CTNNA3: variants seen among roughly 807,000 people sequenced by gnomAD.
CTNNA3 encodes the protein catenin alpha 3.
A neutral mutation model predicts 95.7 loss-of-function variants in CTNNA3; 76 were observed. The ratio of observed to expected loss-of-function variants is 0.79; its 90% CI spans 0.66 to 0.96. The LOEUF is 0.96. Ranked by LOEUF, CTNNA3 falls within the 40% of genes least tolerant of loss-of-function variation. The pLI, the probability that CTNNA3 is intolerant of heterozygous loss-of-function variation, is 0.00. For missense variants in CTNNA3, 1,191 were observed against 1,089.8 expected (o/e 1.09, Z -1.31); for synonymous variants, 431 against 374.4 (o/e 1.15, Z -1.74).
intron 7 of CTNNA3, among the ~76,000 whole-genome samples, chr10:66,833,677 G>A (rs1842800147): frequency 6.6e-6 from 1 of 152,162 alleles, no homozygotes; most frequent in Non-Finnish European, 1.5e-5. Context: ...TCTGGATAGT[G>A]TAGGTAGCTG....
At chr10:67,567,407 G>A (rs1841844893) in intron 3 of CTNNA3, among the ~76,000 whole-genome samples, 1 of 151,994 alleles carries the variant, frequency 6.6e-6, no homozygotes, top group Non-Finnish European at 1.5e-5. Context: ...AATGTAGAAA[G>A]TGGAATGATT....
At chr10:67,566,340 C>A (rs560288203) in intron 3 of CTNNA3, among the ~76,000 whole-genome samples, 267 of 150,366 alleles carry the variant, frequency 1.8e-3, no homozygotes, top group Middle Eastern at 3.4e-3. Flanking sequence ...AAACAAACAA[C>A]CCCATCAAAA....
At chr10:66,559,458 T>C (rs1385710360) in intron 10 of CTNNA3, among the ~76,000 whole-genome samples, 1 of 150,796 alleles carries the variant, frequency 6.6e-6, no homozygotes, top group East Asian at 2.0e-4. Context: ...TTGTATCAAC[T>C]CTGGGTTGGG....
chr10:67,382,890 G>A (rs1324572702), intron 5 of CTNNA3, among the ~76,000 whole-genome samples: 1 of 152,064 alleles, frequency 6.6e-6, no homozygotes, highest in African/African-American at 2.4e-5. Context: ...AACTCATACA[G>A]TAAGAATTCA....
At chr10:67,577,523 T>G (rs948636273) in intron 3 of CTNNA3, among the ~76,000 whole-genome samples, 7 of 152,142 alleles carry the variant, frequency 4.6e-5, no homozygotes, top group Admixed American at 6.5e-5. Context: ...AGAAGCTCTT[T>G]AGTTTAATTA....
At chr10:67,033,649 T>G (rs974932962) in intron 7 of CTNNA3, among the ~76,000 whole-genome samples, 1 of 152,234 alleles carries the variant, frequency 6.6e-6, no homozygotes, top group African/African-American at 2.4e-5. Context: ...GTTAGTACTA[T>G]TATTTTCCCC....
At chr10:66,926,336 C>T (rs1847071951) in intron 7 of CTNNA3, 1 of 595,470 alleles carries the variant, frequency 1.7e-6, no homozygotes, top group South Asian at 2.0e-5. Context: ...CATGAAGATC[C>T]TATTACCTAG....
chr10:67,199,822 G>C lies in CTNNA3; in HGVS notation c.844-19302C>G, dbSNP rs148647910. ...GACTATTTTTCAAGTAGATATTGACGTTATGCAGTGGGATGTGCTATTAAA... is the reference window on the plus strand; with the variant it reads ...GACTATTTTTCAAGTAGATATTGACCTTATGCAGTGGGATGTGCTATTAAA... On this transcript the variant is annotated intron_variant, in intron 6 of 17. Coordinates refer to ENST00000433211, the MANE Select transcript of CTNNA3 (RefSeq NM_013266.4). Among the ~76,000 whole-genome samples the C allele has an allele frequency of 1.8e-3, 280 of 152,214 alleles. 4 individuals carry two copies. Among genetic ancestry groups the C allele is most frequent in the African/African-American group, 6.5e-3 (271 of 41,532 alleles).
At chr10:66,749,284 T>C (rs1013803306) in intron 9 of CTNNA3, among the ~76,000 whole-genome samples, 9 of 149,868 alleles carry the variant, frequency 6.0e-5, no homozygotes. Context: ...TGCATGCGGA[T>C]TGACAATAAT....
chr10:67,145,385 C>A (rs765595760), intron 7 of CTNNA3, among the ~76,000 whole-genome samples: 1 of 151,538 alleles, frequency 6.6e-6, no homozygotes, highest in Admixed American at 6.6e-5. Context: ...GGTGTGGAAA[C>A]CTTGGTAATA....
intron 7 of CTNNA3, among the ~76,000 whole-genome samples, chr10:66,818,462 A>G (rs1024015828): frequency 1.3e-5 from 2 of 152,234 alleles, no homozygotes; most frequent in Non-Finnish European, 2.9e-5. Flanking sequence ...TCATCTCTAT[A>G]TCTATACACT....
At chr10:67,097,700 G>A (rs267602550) in intron 7 of CTNNA3, 1 of 1,612,754 alleles carries the variant, frequency 6.2e-7, no homozygotes, top group Non-Finnish European at 8.5e-7. Context: ...CGAATGCACA[G>A]GAAGATACGA....
At chr10:67,678,753 A>G (rs10997774) in intron 1 of CTNNA3, among the ~76,000 whole-genome samples, 19,167 of 152,206 alleles carry the variant, frequency 0.13, 1,322 homozygotes, top group Non-Finnish European at 0.16. Flanking sequence ...GGAGCCTTCT[A>G]AAGAGCTGAG....
intron 5 of CTNNA3, among the ~76,000 whole-genome samples, chr10:67,258,912 G>T (rs544557288): frequency 1.1e-4 from 17 of 152,218 alleles, no homozygotes; most frequent in African/African-American, 3.9e-4. Context: ...ATATAAAATA[G>T]CATAGTATTT....
chr10:67,581,869 G>A (rs1842413463), intron 3 of CTNNA3, among the ~76,000 whole-genome samples: 1 of 152,140 alleles, frequency 6.6e-6, no homozygotes, highest in Admixed American at 6.5e-5. Flanking sequence ...AGTATTCTCT[G>A]ATGGTAGTTT....
intron 9 of CTNNA3, among the ~76,000 whole-genome samples, chr10:66,733,778 T>C (rs962772392): frequency 1.5e-4 from 23 of 151,856 alleles, no homozygotes; most frequent in African/African-American, 5.5e-4. Flanking sequence ...TCTTTACATC[T>C]ATTTTCTATT....
intron 12 of CTNNA3, among the ~76,000 whole-genome samples, chr10:66,347,842 C>A (rs1168382192): frequency 6.6e-6 from 1 of 151,884 alleles, no homozygotes; most frequent in Non-Finnish European, 1.5e-5. Context: ...AATGAGACTA[C>A]CCATCATGTA....
chr10:67,107,905 T>G (rs1033727690), intron 7 of CTNNA3, among the ~76,000 whole-genome samples: 15 of 152,168 alleles, frequency 9.9e-5, no homozygotes, highest in African/African-American at 3.6e-4. Flanking sequence ...CAGGAAGTGC[T>G]CTAGCAGGGA....
At chr10:66,824,825 T>C (rs1842437856) in intron 7 of CTNNA3, among the ~76,000 whole-genome samples, 1 of 152,074 alleles carries the variant, frequency 6.6e-6, no homozygotes, top group South Asian at 2.1e-4. Context: ...CTAAATCCCA[T>C]AACGGGATCC....
Sources: allele counts gnomAD v4.1 joint callset (sites outside exome capture counted in the v4.1 genomes callset), GRCh38; gene constraint gnomAD v4.1.1; transcripts MANE v1.5; gene names NCBI Gene and HGNC (gene_info 2026-07-23, HGNC 2026-07-21).